The following SMIM14 variants were observed in gnomAD, a reference collection of about 807,000 sequenced individuals.
SMIM14 encodes small integral membrane protein 14, also known as chromosome 4 open reading frame 34.
In SMIM14, 5 loss-of-function variants were observed where a neutral mutation model predicts 12.6. The ratio of observed to expected loss-of-function variants is 0.40; its 90% confidence interval spans 0.21 to 0.83. SMIM14 has a LOEUF of 0.83. Among genes scored for constraint, SMIM14 ranks in the 40% least tolerant of loss-of-function variants. The probability of loss-of-function intolerance (pLI) is 0.37; values close to 1 mark genes in which losing one functional copy is unlikely to be tolerated. For missense variants in SMIM14, 86 were observed against 119.1 expected (o/e 0.72, Z 1.29); for synonymous variants, 30 against 40.1 (o/e 0.75, Z 0.95).
intron 2 of SMIM14, chr4:39,584,054 C>T (rs895967250): frequency 1.3e-5 from 2 of 151,940 alleles, no homozygotes; most frequent in African/African-American, 4.8e-5. Context: ...AAATACAGTA[C>T]GTTCAATTCA....
At chr4:39,617,387 A>G (rs995061965) in intron 1 of SMIM14, among the ~76,000 whole-genome samples, 1 of 152,246 alleles carries the variant, frequency 6.6e-6, no homozygotes, top group Non-Finnish European at 1.5e-5. Context: ...AACTATTCAA[A>G]GAGTATTAAC....
chr4:39,554,607 C>CA (rs1201586206), intron 4 of SMIM14, among the ~76,000 whole-genome samples: 76 of 89,550 alleles, frequency 8.5e-4, no homozygotes, highest in South Asian at 2.6e-3. Flanking sequence ...GACTCCATCT[C>CA]AAAAAAAAAA....
chr4:39,560,697 T>C (rs1280926198), intron 3 of SMIM14, among the ~76,000 whole-genome samples: 1 of 151,976 alleles, frequency 6.6e-6, no homozygotes, highest in Non-Finnish European at 1.5e-5. Flanking sequence ...ACATATTCAG[T>C]ACTTTAGTAT....
intron 1 of SMIM14, among the ~76,000 whole-genome samples, chr4:39,636,470 TA>T (rs1716094709): frequency 6.6e-6 from 1 of 152,216 alleles, no homozygotes; most frequent in Non-Finnish European, 1.5e-5. Flanking sequence ...GGAAATCTTT[TA>T]AAACCATGCT....
chr4:39,595,376 G>A (rs1287970192), intron 2 of SMIM14, among the ~76,000 whole-genome samples: 1 of 132,316 alleles, frequency 7.6e-6, no homozygotes, highest in Non-Finnish European at 1.6e-5. Context: ...GACACAGGAA[G>A]GGGAACATCA....
At chr4:39,615,304 A>T (rs1247841897) in intron 1 of SMIM14, among the ~76,000 whole-genome samples, 1 of 152,206 alleles carries the variant, frequency 6.6e-6, no homozygotes, top group African/African-American at 2.4e-5. Context: ...TACCTTTGCA[A>T]CTTTTCTGTA....
At chr4:39,561,189 A>T (rs555327563) in intron 3 of SMIM14, among the ~76,000 whole-genome samples, 6 of 152,338 alleles carry the variant, frequency 3.9e-5, no homozygotes, top group African/African-American at 1.4e-4. Flanking sequence ...CAAAATCTGA[A>T]ATGTTCCAAT....
At chr4:39,604,399 T>C (rs1714726954) in intron 2 of SMIM14, among the ~76,000 whole-genome samples, 1 of 151,560 alleles carries the variant, frequency 6.6e-6, no homozygotes. Flanking sequence ...TAGCCAGGCG[T>C]GGTGGCACAC....
intron 2 of SMIM14, among the ~76,000 whole-genome samples, chr4:39,604,635 G>C (rs899408704): frequency 5.3e-5 from 8 of 150,942 alleles, no homozygotes; most frequent in Non-Finnish European, 1.2e-4. Flanking sequence ...TTTTGAGACA[G>C]AGTCTTGTTC....
chr4:39,551,277 AAAAT>A lies in SMIM14; in HGVS notation c.*845_*848del, dbSNP rs1711689370. On this transcript the variant is annotated 3_prime_UTR_variant, in exon 5 of 5. Transcript: ENST00000295958. ...AGCTTCCCAAGAGGCACTCATTTTAAAAATAAATTATAGCTTAAATTATTACTAT... is the reference window on the plus strand; with the variant it reads ...AGCTTCCCAAGAGGCACTCATTTTAAAAATTATAGCTTAAATTATTACTAT... The A allele has an allele frequency of 6.6e-6, 1 of 152,506 alleles. No individual in the cohort carries two copies. Among genetic ancestry groups the A allele is most frequent in the African/African-American group, 2.4e-5 (1 of 41,462 alleles). The allele number at this position is 152,506 out of a possible 1,614,324, so 9.4% of individuals were successfully genotyped here.
rs368666801 is a variant in SMIM14, at chr4:39,619,954, T to C, written c.-35-14774A>G. On this transcript the variant is annotated intron_variant, in intron 1 of 4. Coordinates refer to ENST00000295958, the MANE Select transcript of SMIM14 (RefSeq NM_174921.3). Reference sequence around the variant, plus strand: ...GAGTGCAATGGCAATCATAGCTCACTGCAGCCTCAAACTCATGGCTCAAGT... The same window carrying C: ...GAGTGCAATGGCAATCATAGCTCACCGCAGCCTCAAACTCATGGCTCAAGT... Among the ~76,000 whole-genome samples the C allele has an allele frequency of 6.0e-5, 9 of 149,074 alleles. No individual in the cohort carries two copies. The East Asian group carries it at 1.4e-3, about 23-fold the overall frequency.
chr4:39,613,125 A>G (rs955971314), intron 1 of SMIM14, among the ~76,000 whole-genome samples: 3 of 152,202 alleles, frequency 2.0e-5, no homozygotes, highest in Non-Finnish European at 4.4e-5. Flanking sequence ...CCCTAAAAAA[A>G]ACAGAGCTTC....
intron 2 of SMIM14, among the ~76,000 whole-genome samples, chr4:39,599,329 A>ATT (rs144418791): frequency 1.3e-5 from 2 of 150,812 alleles, no homozygotes; most frequent in African/African-American, 4.9e-5. Flanking sequence ...TGTAAATTTC[A>ATT]TTTTTTTTTA....
intron 1 of SMIM14, among the ~76,000 whole-genome samples, chr4:39,608,556 C>T (rs1399519885): frequency 6.6e-6 from 1 of 152,104 alleles, no homozygotes; most frequent in Non-Finnish European, 1.5e-5. Flanking sequence ...AAATAATATG[C>T]TATGATTCCA....
rs1438061309 is a variant in SMIM14, at chr4:39,593,580, A to C, written c.75+11491T>G. The C allele has an allele frequency of 3.3e-5, 5 of 152,196 alleles. 1 individual carries two copies. The highest frequency in any genetic ancestry group is 3.3e-4 in the Admixed American group (5 of 15,258). The allele number at this position is 152,196 out of a possible 1,614,324, so 9.4% of individuals were successfully genotyped here. A position where few individuals can be genotyped will look rare whatever the true frequency, so the allele number is the denominator to read the frequency against. On this transcript the variant is annotated intron_variant, in intron 2 of 4. Coordinates refer to ENST00000295958, the MANE Select transcript of SMIM14 (RefSeq NM_174921.3). Reference sequence around the variant, plus strand: ...GCAATTAGGCAGGAGAAGGAAATAAAGGGTATTCAATTAGGAAGAGGAAGT... The same window carrying C: ...GCAATTAGGCAGGAGAAGGAAATAACGGGTATTCAATTAGGAAGAGGAAGT...
At chr4:39,604,647 G>T (rs1162993250) in intron 2 of SMIM14, among the ~76,000 whole-genome samples, 5 of 150,646 alleles carry the variant, frequency 3.3e-5, no homozygotes, top group African/African-American at 1.2e-4. Flanking sequence ...GTCTTGTTCT[G>T]TCGCCCAGGC....
At chr4:39,584,793 CAAAAA>C (rs34970724) in intron 2 of SMIM14, among the ~76,000 whole-genome samples, 18 of 76,292 alleles carry the variant, frequency 2.4e-4, no homozygotes, top group Non-Finnish European at 2.7e-4. Context: ...AGGACCTTGT[CAAAAA>C]AAAAAAAAAA....
Position 39,558,752 on chromosome 4 carries a change from T to C in SMIM14, c.125-2182A>G, listed in dbSNP as rs1297213251. On this transcript the variant is annotated intron_variant, in intron 3 of 4. Transcript: ENST00000295958. This position sits in a 1 kb window ranked among gnomAD's most constrained non-coding sequence, Gnocchi z 4.3. ...TTTGAGACAGAGTCTTGCCCTGTCG[T>C]CCAAGCTGGAATACAATGGCATGTC... 1.3e-5 allele frequency among the ~76,000 whole-genome samples: 2 copies of C among 152,198 alleles called. No individual in the cohort carries two copies. Among genetic ancestry groups the C allele is most frequent in the African/African-American group, 4.8e-5 (2 of 41,454 alleles).
At chr4:39,608,434 T>C (rs897563120) in intron 1 of SMIM14, among the ~76,000 whole-genome samples, 1 of 152,238 alleles carries the variant, frequency 6.6e-6, no homozygotes, top group African/African-American at 2.4e-5. Flanking sequence ...AAACAAAATG[T>C]GGTATACACA....
Sources: allele counts gnomAD v4.1 joint callset (sites outside exome capture counted in the v4.1 genomes callset), GRCh38; gene constraint gnomAD v4.1.1; non-coding constraint Gnocchi (gnomAD v3.1); transcripts MANE v1.5; gene names NCBI Gene and HGNC (gene_info 2026-07-23, HGNC 2026-07-21).